The following PHACTR1 variants were observed in gnomAD, a reference collection of about 807,000 sequenced individuals.
PHACTR1 encodes RPEL repeat containing 1.
PHACTR1 carries 16 observed loss-of-function variants against 69.2 expected under a neutral mutation model. That is an observed-to-expected ratio of 0.23 (90% CI 0.16 to 0.35). The LOEUF is 0.35. Ranked by LOEUF, PHACTR1 falls within the 10% of genes least tolerant of loss-of-function variation. The pLI is 1.00. For synonymous variants in PHACTR1, 312 were observed against 284.5 expected, an observed-to-expected ratio of 1.10 and a Z score of -0.97; for missense variants, 510 against 734.7, an observed-to-expected ratio of 0.69 and a Z score of 3.54.
At chr6:13,074,599 C>T (rs1810118684) in intron 5 of PHACTR1, among the ~76,000 whole-genome samples, 1 of 152,142 alleles carries the variant, frequency 6.6e-6, no homozygotes, top group Admixed American at 6.5e-5. Context: ...GAAGGCCATG[C>T]CCAGAAGAAA....
chr6:12,831,195 T>G (rs1175008470), intron 4 of PHACTR1, among the ~76,000 whole-genome samples: 1 of 152,250 alleles, frequency 6.6e-6, no homozygotes, highest in East Asian at 1.9e-4. Context: ...AAATATCCAT[T>G]GATAACTGGC....
chr6:12,936,171 G>T (rs1026406181), intron 4 of PHACTR1, among the ~76,000 whole-genome samples: 3 of 151,970 alleles, frequency 2.0e-5, no homozygotes, highest in Non-Finnish European at 4.4e-5. Context: ...TGTTACTTTA[G>T]GATTTTAGGA....
At chr6:12,980,743 TGG>T (rs1422966647) in intron 4 of PHACTR1, among the ~76,000 whole-genome samples, 1 of 152,210 alleles carries the variant, frequency 6.6e-6, no homozygotes, top group East Asian at 1.9e-4. Context: ...CTAGAGACAC[TGG>T]TGCAGACCAA....
chr6:12,748,074 A>G (rs1766035317), intron 3 of PHACTR1, among the ~76,000 whole-genome samples: 1 of 152,240 alleles, frequency 6.6e-6, no homozygotes, highest in South Asian at 2.1e-4. Flanking sequence ...TTTTAAAATA[A>G]CAGAAACCAA....
chr6:13,245,192 A>G lies in PHACTR1; in HGVS notation c.1391+14999A>G, dbSNP rs1773427711. ...TAGAATGATTTCTGTTCCTTTGGGT[A>G]TATACCCAGTAACGGGATTGCAAGG... On this transcript the variant is annotated intron_variant, in intron 10 of 14. Transcript: ENST00000332995. This position sits in a 1 kb window ranked among gnomAD's most constrained non-coding sequence, Gnocchi z 4.1. 6.6e-6 allele frequency among the ~76,000 whole-genome samples: 1 copy of G among 152,218 alleles called. No homozygotes were observed.
At chr6:13,128,418 A>G (rs1235897405) in intron 5 of PHACTR1, among the ~76,000 whole-genome samples, 4 of 151,804 alleles carry the variant, frequency 2.6e-5, no homozygotes, top group East Asian at 2.0e-4. Context: ...TAGGATATGG[A>G]TGAAAAATGC....
At chr6:13,272,686 C>T (rs1000125443) in intron 10 of PHACTR1, 174 bp from the exon 11 acceptor site, 3 of 1,538,320 alleles carry the variant, frequency 2.0e-6, no homozygotes, top group Non-Finnish European at 2.6e-6. Flanking sequence ...CTCTCCTGGG[C>T]TTGAAATTGA....
chr6:13,040,045 TC>T (rs1001177492), intron 4 of PHACTR1, among the ~76,000 whole-genome samples: 2 of 152,228 alleles, frequency 1.3e-5, no homozygotes, highest in African/African-American at 4.8e-5. Flanking sequence ...GATAATGTTT[TC>T]CTTTGCACAG....
intron 4 of PHACTR1, among the ~76,000 whole-genome samples, chr6:12,802,196 G>A (rs13214313): frequency 0.37 from 56,034 of 150,468 alleles, 11,252 homozygotes; most frequent in African/African-American, 0.5. Context: ...GGCATTAATA[G>A]CCAGTTAATG....
intron 5 of PHACTR1, among the ~76,000 whole-genome samples, chr6:13,159,226 CTGAATG>C (rs1758629960): frequency 2.0e-5 from 3 of 152,310 alleles, no homozygotes; most frequent in African/African-American, 7.2e-5. Flanking sequence ...CACTGGGTAA[CTGAATG>C]GTTCCTTCTC....
At chr6:13,056,085 G>T (rs1451805440) in intron 5 of PHACTR1, among the ~76,000 whole-genome samples, 1 of 152,164 alleles carries the variant, frequency 6.6e-6, no homozygotes, top group South Asian at 2.1e-4. Flanking sequence ...AGATGGATGG[G>T]TGCATGATGT....
intron 4 of PHACTR1, among the ~76,000 whole-genome samples, chr6:13,018,187 C>T (rs922812345): frequency 2.0e-5 from 3 of 152,228 alleles, no homozygotes; most frequent in African/African-American, 7.2e-5. Flanking sequence ...CCTGTGAGTT[C>T]CTGTGGATCA....
intron 7 of PHACTR1, among the ~76,000 whole-genome samples, chr6:13,189,585 A>G (rs1041410092): frequency 1.3e-5 from 2 of 151,970 alleles, no homozygotes; most frequent in Admixed American, 6.6e-5. Flanking sequence ...TTTTTTGTAG[A>G]GAAGGAATTT....
intron 4 of PHACTR1, among the ~76,000 whole-genome samples, chr6:12,807,643 G>A (rs142423967): frequency 6.6e-6 from 1 of 152,308 alleles, no homozygotes; most frequent in Non-Finnish European, 1.5e-5. Flanking sequence ...AACTCTGATC[G>A]ACACTCTCAT....
intron 4 of PHACTR1, among the ~76,000 whole-genome samples, chr6:12,924,050 T>G (rs1045757716): frequency 6.6e-6 from 1 of 152,212 alleles, no homozygotes; most frequent in Non-Finnish European, 1.5e-5. Context: ...TTGAAAGACA[T>G]GATCTCCAAA....
At position 13,278,013 on chromosome 6, in the gene PHACTR1, G is replaced by A. The variant is rs1326995573; in HGVS notation, c.1448-255G>A. The A allele has an allele frequency of 1.1e-5, 3 of 274,844 alleles. No homozygotes were observed. The East Asian group carries it at 2.2e-4, about 20-fold the overall frequency. 17.0% of individuals were successfully genotyped at this position (274,844 alleles called of 1,614,324 possible). A position where few individuals can be genotyped will look rare whatever the true frequency, so the allele number is the denominator to read the frequency against. The stretch of plus-strand genomic sequence containing the variant: ...ATTTCTCAACCCAGCATCTCTGCCT[G>A]GAGACCTGAAACCCCATGTGATGTA... On this transcript the variant is annotated intron_variant, in intron 11 of 14. Transcript: ENST00000332995.
chr6:12,840,892 A>G (rs184259305), intron 4 of PHACTR1, among the ~76,000 whole-genome samples: 57 of 152,338 alleles, frequency 3.7e-4, no homozygotes, highest in Non-Finnish European at 6.0e-4. Context: ...TTGAGCTGAT[A>G]AGGACATACT....
At chr6:13,206,809 A>G (rs934344286) in intron 8 of PHACTR1, among the ~76,000 whole-genome samples, 3 of 152,146 alleles carry the variant, frequency 2.0e-5, no homozygotes, top group African/African-American at 7.2e-5. Flanking sequence ...TAGACATGCC[A>G]TTTCACCTGA....
At chr6:12,801,999 T>C (rs1773754756) in intron 4 of PHACTR1, among the ~76,000 whole-genome samples, 1 of 151,696 alleles carries the variant, frequency 6.6e-6, no homozygotes, top group Non-Finnish European at 1.5e-5. Flanking sequence ...ATTTAGAAAA[T>C]TGCATAGGTT....
Sources: allele counts gnomAD v4.1 joint callset (sites outside exome capture counted in the v4.1 genomes callset), GRCh38; gene constraint gnomAD v4.1.1; non-coding constraint Gnocchi (gnomAD v3.1); transcripts MANE v1.5; gene names NCBI Gene and HGNC (gene_info 2026-07-23, HGNC 2026-07-21).